UNC5D: variants seen among roughly 807,000 people sequenced by gnomAD.
UNC5D encodes netrin receptor UNC5D.
UNC5D carries 39 observed loss-of-function variants against 105.4 expected under a neutral mutation model. The ratio of observed to expected loss-of-function variants is 0.37; its 90% CI spans 0.29 to 0.48. The LOEUF is 0.48. UNC5D is among the 20% of genes least tolerant of loss of function. UNC5D has a pLI of 0.98. For missense variants in UNC5D, 991 were observed against 1,202.4 expected, an observed-to-expected ratio of 0.82 and a Z score of 2.60; for synonymous variants, 452 against 450.4, an observed-to-expected ratio of 1.00 and a Z score of -0.04.
intron 1 of UNC5D, among the ~76,000 whole-genome samples, chr8:35,377,236 T>C (rs564966040): frequency 6.6e-6 from 1 of 152,314 alleles, no homozygotes; most frequent in Admixed American, 6.5e-5. Context: ...GATGCAGTGG[T>C]CCTTTCACCT....
At chr8:35,709,741 G>A (rs1176933101) in intron 8 of UNC5D, among the ~76,000 whole-genome samples, 1 of 151,974 alleles carries the variant, frequency 6.6e-6, no homozygotes, top group East Asian at 1.9e-4. Flanking sequence ...AGAACTGAGG[G>A]GAGAAAAACA....
At position 35,235,725 on chromosome 8, in the gene UNC5D, A is replaced by T; in HGVS notation, c.-60A>T. 1 of 1,198,034 alleles carries T rather than the reference A, an allele frequency of 8.3e-7. No homozygotes were observed. Among genetic ancestry groups the T allele is most frequent in the Non-Finnish European group, 1.0e-6 (1 of 957,828 alleles). The allele number at this position is 1,198,034 out of a possible 1,614,324, so 74.2% of individuals were successfully genotyped here. On this transcript the variant is annotated 5_prime_UTR_variant, in exon 1 of 17. Transcript: ENST00000404895. ...ATTCGACTCGGGACCCTCATCGCCG[A>T]CCCTTTCCCGGGCTCCCGGAGCGTG...
intron 1 of UNC5D, among the ~76,000 whole-genome samples, chr8:35,543,576 A>G (rs4739306): frequency 0.14 from 21,724 of 152,230 alleles, 1,929 homozygotes; most frequent in East Asian, 0.27. Flanking sequence ...TAGTTGTTAA[A>G]TATTCCTGCT....
At chr8:35,711,070 C>T (rs1327200444) in intron 8 of UNC5D, among the ~76,000 whole-genome samples, 1 of 151,246 alleles carries the variant, frequency 6.6e-6, no homozygotes, top group Non-Finnish European at 1.5e-5. Flanking sequence ...TCCCGAGTAG[C>T]TGGGATTACA....
At chr8:35,656,585 A>G (rs1823753770) in intron 4 of UNC5D, among the ~76,000 whole-genome samples, 1 of 152,142 alleles carries the variant, frequency 6.6e-6, no homozygotes, top group African/African-American at 2.4e-5. Context: ...CAGAGCATAG[A>G]GAGAGTCACT....
At chr8:35,319,674 A>G (rs1467943796) in intron 1 of UNC5D, among the ~76,000 whole-genome samples, 1 of 152,068 alleles carries the variant, frequency 6.6e-6, no homozygotes, top group Non-Finnish European at 1.5e-5. Flanking sequence ...ATAAGACTGT[A>G]CTTTGGCCAT....
chr8:35,399,791 C>A (rs1563379630), intron 1 of UNC5D, among the ~76,000 whole-genome samples: 1 of 151,956 alleles, frequency 6.6e-6, no homozygotes, highest in Non-Finnish European at 1.5e-5. Context: ...TCTTTGCCAG[C>A]AGAGCTATCC....
At chr8:35,351,744 T>C (rs896334446) in intron 1 of UNC5D, among the ~76,000 whole-genome samples, 1 of 152,180 alleles carries the variant, frequency 6.6e-6, no homozygotes, top group African/African-American at 2.4e-5. Context: ...TTTGCTTTAG[T>C]AGAATTGTAT....
intron 1 of UNC5D, among the ~76,000 whole-genome samples, chr8:35,362,248 G>T (rs1801895741): frequency 6.6e-6 from 1 of 152,150 alleles, no homozygotes; most frequent in Non-Finnish European, 1.5e-5. Context: ...GCCCTTGCCT[G>T]TTCACTTTAC....
chr8:35,313,537 A>T (rs1021370039), intron 1 of UNC5D, among the ~76,000 whole-genome samples: 5 of 152,202 alleles, frequency 3.3e-5, no homozygotes, highest in Admixed American at 6.6e-5. Flanking sequence ...CAGACTCTTG[A>T]TGGTCATCCA....
intron 1 of UNC5D, among the ~76,000 whole-genome samples, chr8:35,427,009 A>C (rs1475457070): frequency 6.6e-6 from 1 of 152,166 alleles, no homozygotes; most frequent in African/African-American, 2.4e-5. Flanking sequence ...GAACGAGTTG[A>C]TTTTTGCAAT....
chr8:35,430,219 G>T (rs565252581), intron 1 of UNC5D, among the ~76,000 whole-genome samples: 1 of 152,104 alleles, frequency 6.6e-6, no homozygotes, highest in African/African-American at 2.4e-5. Context: ...AGTGGCCAGT[G>T]GTTTAATCAA....
At chr8:35,387,314 G>T (rs562979851) in intron 1 of UNC5D, among the ~76,000 whole-genome samples, 1 of 146,248 alleles carries the variant, frequency 6.8e-6, no homozygotes, top group Non-Finnish European at 1.5e-5. Flanking sequence ...AGTGAGTAGA[G>T]ATCGCGCCAC....
intron 1 of UNC5D, among the ~76,000 whole-genome samples, chr8:35,297,937 G>A (rs1807621627): frequency 6.6e-6 from 1 of 152,142 alleles, no homozygotes; most frequent in African/African-American, 2.4e-5. Context: ...CTAGAACAGA[G>A]AACAGGACCT....
At chr8:35,452,311 C>T (rs563728261) in intron 1 of UNC5D, among the ~76,000 whole-genome samples, 3 of 152,224 alleles carry the variant, frequency 2.0e-5, no homozygotes, top group African/African-American at 7.2e-5. Context: ...GTCACCCAGG[C>T]TGGAGTGCAG....
chr8:35,392,863 T>C (rs570531737), intron 1 of UNC5D, among the ~76,000 whole-genome samples: 1 of 152,326 alleles, frequency 6.6e-6, no homozygotes, highest in South Asian at 2.1e-4. Context: ...GTATAGATAA[T>C]TCTTTGGTAT....
chr8:35,601,612 GTGTATAAGAA>G (rs1563577776), intron 4 of UNC5D, among the ~76,000 whole-genome samples: 1 of 152,128 alleles, frequency 6.6e-6, no homozygotes. Context: ...TCTGTTATTG[GTGTATAAGAA>G]TGCTTGTGAT....
intron 4 of UNC5D, among the ~76,000 whole-genome samples, chr8:35,625,708 CTTAG>C (rs1473877235): frequency 6.6e-6 from 1 of 152,056 alleles, no homozygotes; most frequent in Non-Finnish European, 1.5e-5. Flanking sequence ...ATTTTACACA[CTTAG>C]TTATAGATCT....
intron 10 of UNC5D, chr8:35,726,934 A>G (rs1357053447): frequency 5.1e-6 from 1 of 195,032 alleles, no homozygotes; most frequent in African/African-American, 2.3e-5. Flanking sequence ...GATAATTTAG[A>G]TAATTTAGTG....
Sources: allele counts gnomAD v4.1 joint callset (sites outside exome capture counted in the v4.1 genomes callset), GRCh38; gene constraint gnomAD v4.1.1; transcripts MANE v1.5; gene names NCBI Gene and HGNC (gene_info 2026-07-23, HGNC 2026-07-21).